Variants in WDR89 observed in about 807,000 individuals in gnomAD.
WDR89 encodes the protein WD repeat-containing protein 89.
A neutral mutation model predicts 29.1 loss-of-function variants in WDR89; 17 were observed. The ratio of observed to expected loss-of-function variants is 0.58; its 90% CI spans 0.40 to 0.88. The LOEUF (loss-of-function observed/expected upper bound fraction) is 0.88. Among genes scored for constraint, WDR89 ranks in the 40% least tolerant of loss-of-function variants. The probability of loss-of-function intolerance (pLI) is 0.00; values close to 1 mark genes in which losing one functional copy is unlikely to be tolerated. For missense variants in WDR89, 396 were observed against 456.3 expected, an observed-to-expected ratio of 0.87 and a Z score of 1.20; for synonymous variants, 138 against 157.8, an observed-to-expected ratio of 0.87 and a Z score of 0.94.
intron 1 of WDR89, among the ~76,000 whole-genome samples, chr14:63,632,127 C>T (rs1477679381): frequency 2.9e-5 from 4 of 139,154 alleles, no homozygotes; most frequent in Non-Finnish European, 3.1e-5. Context: ...AACAAACAAA[C>T]AAAAAAAAAA....
At position 63,636,656 on chromosome 14, in the gene WDR89, A is replaced by G. The variant is rs146292329; in HGVS notation, c.-138+5148T>C. Among the ~76,000 whole-genome samples, 990 of 152,302 alleles carry G rather than the reference A, an allele frequency of 6.5e-3. 16 individuals carry two copies. The highest frequency in any genetic ancestry group is 0.022 in the African/African-American group (933 of 41,564). On this transcript the variant is annotated intron_variant, in intron 1 of 2. Transcript: ENST00000620954. ...TCTTCGACAAAGCAAACAAAAACAT[A>G]AAGTGGGGAAAGGACACCCTTTTCA...
chr14:63,639,262 G>A (rs1379920985), intron 1 of WDR89, among the ~76,000 whole-genome samples: 1 of 151,134 alleles, frequency 6.6e-6, no homozygotes, highest in Admixed American at 6.6e-5. Context: ...GCTCATGCCA[G>A]TAATGCCAGA....
intron 2 of WDR89, among the ~76,000 whole-genome samples, chr14:63,614,252 T>C (rs1188741008): frequency 6.6e-6 from 1 of 151,954 alleles, no homozygotes; most frequent in African/African-American, 2.4e-5. Flanking sequence ...ACAAAAGCTT[T>C]ATACGAGACA....
rs769427475 is a variant in WDR89 at position 63,599,449 on chromosome 14, T to A, written c.494A>T (p.Tyr165Phe). ...LSTTKDSLGA[Y>F]SETHSDDVTQ... ...GACATCATCACTATGTGTCTCTGAA[T>A]ATGCACCAAGTGAGTCTTTAGTTGT... is the stretch of plus-strand genomic sequence containing the variant. Residue 165 changes from tyrosine to phenylalanine, a missense_variant, in exon 3 of 3, where the codon TAT (tyrosine) becomes TTT (phenylalanine). By Grantham distance (22) the Tyr-to-Phe change is conservative (BLOSUM62 3). Transcript: ENST00000620954. The A allele has an allele frequency of 9.9e-6, 16 of 1,614,108 alleles. 1 individual carries two copies. The highest frequency in any genetic ancestry group is 1.3e-5 in the Non-Finnish European group (15 of 1,180,038).
intron 1 of WDR89, among the ~76,000 whole-genome samples, chr14:63,632,665 TGAATTATACAGATGAATTATACA>T (rs1883485242): frequency 6.6e-6 from 1 of 150,428 alleles, no homozygotes; most frequent in Non-Finnish European, 1.5e-5. Context: ...GGAAACTGGA[TGAATTATACAGATGAATTATACA>T]GAATGATAGC....
At chr14:63,633,687 T>G (rs1455914137) in intron 1 of WDR89, among the ~76,000 whole-genome samples, 1 of 152,222 alleles carries the variant, frequency 6.6e-6, no homozygotes, top group Non-Finnish European at 1.5e-5. Context: ...ACTTTGGTGT[T>G]ATAATGAGGG....
chr14:63,637,808 A>AG (rs1013222719), intron 1 of WDR89, among the ~76,000 whole-genome samples: 8 of 151,580 alleles, frequency 5.3e-5, no homozygotes, highest in Non-Finnish European at 7.4e-5. Flanking sequence ...TGGCCGGGGG[A>AG]GGGGGGGCAA....
At chr14:63,617,736 C>T (rs12588450) in intron 2 of WDR89, among the ~76,000 whole-genome samples, 17 of 152,194 alleles carry the variant, frequency 1.1e-4, no homozygotes, top group East Asian at 3.9e-4. Flanking sequence ...CCGCCCACTT[C>T]GGCCTCCCAA....
chr14:63,614,567 GA>G (rs1447394192), intron 2 of WDR89, among the ~76,000 whole-genome samples: 1 of 152,262 alleles, frequency 6.6e-6, no homozygotes, highest in East Asian at 1.9e-4. Flanking sequence ...GAGAAAGAGG[GA>G]AGAGTAAAAT....
At chr14:63,640,934 C>T (rs1408816562) in intron 1 of WDR89, among the ~76,000 whole-genome samples, 2 of 149,854 alleles carry the variant, frequency 1.3e-5, no homozygotes, top group East Asian at 3.9e-4. Flanking sequence ...CCCGTCTCTA[C>T]TAAAAATACA....
Position 63,598,249 on chromosome 14 carries a change from C to T in WDR89, c.*530G>A, listed in dbSNP as rs1894879063. 1 of 152,204 alleles carries T rather than the reference C, an allele frequency of 6.6e-6. No individual in the cohort carries two copies. Among genetic ancestry groups the T allele is most frequent in the African/African-American group, 2.4e-5 (1 of 41,454 alleles). The allele number at this position is 152,204 out of a possible 1,614,324, so 9.4% of individuals were successfully genotyped here. On this transcript the variant is annotated 3_prime_UTR_variant, in exon 3 of 3. Transcript: ENST00000620954. ...TACGAAACATATTTTTCTCACTTTACATAGATGCCTATCATTTCATTTGTA... is the reference window on the plus strand; with the variant it reads ...TACGAAACATATTTTTCTCACTTTATATAGATGCCTATCATTTCATTTGTA...
At chr14:63,637,379 G>C (rs1300723101) in intron 1 of WDR89, among the ~76,000 whole-genome samples, 1 of 152,064 alleles carries the variant, frequency 6.6e-6, no homozygotes, top group East Asian at 1.9e-4. Context: ...TTAAAAAGCA[G>C]AACTAACATT....
intron 2 of WDR89, among the ~76,000 whole-genome samples, chr14:63,622,471 C>G (rs1319048547): frequency 6.6e-6 from 1 of 152,146 alleles, no homozygotes; most frequent in Non-Finnish European, 1.5e-5. Context: ...ATCCCAGCTA[C>G]TTGGGAGGCT....
intron 2 of WDR89, among the ~76,000 whole-genome samples, chr14:63,620,625 C>G (rs995016538): frequency 2.5e-4 from 38 of 152,048 alleles, no homozygotes; most frequent in Non-Finnish European, 1.3e-4. Flanking sequence ...TGGCTCATGC[C>G]TGTAATCTCA....
intron 1 of WDR89, among the ~76,000 whole-genome samples, chr14:63,626,676 C>CAAAAAAAA (rs35582220): frequency 2.0e-4 from 7 of 34,584 alleles, no homozygotes; most frequent in African/African-American, 3.1e-4. Flanking sequence ...GAGACTGTCT[C>CAAAAAAAA]AAAAAAAAAA....
At chr14:63,641,134 CAAA>C (rs1160185356) in intron 1 of WDR89, among the ~76,000 whole-genome samples, 1 of 144,402 alleles carries the variant, frequency 6.9e-6, no homozygotes, top group Non-Finnish European at 1.5e-5. Flanking sequence ...AAAAGAAAAA[CAAA>C]AAAGAAAACA....
At chr14:63,634,628 C>T (rs1185215005) in intron 1 of WDR89, among the ~76,000 whole-genome samples, 3 of 151,984 alleles carry the variant, frequency 2.0e-5, no homozygotes, top group Non-Finnish European at 4.4e-5. Flanking sequence ...CCAACACTTT[C>T]GGAGGCTGAG....
intron 2 of WDR89, among the ~76,000 whole-genome samples, chr14:63,600,586 T>C (rs1172961488): frequency 6.6e-6 from 1 of 151,778 alleles, no homozygotes. Flanking sequence ...AGTAGTTCCT[T>C]TTAGCTCAAA....
rs545334640 is a variant in WDR89 at position 63,640,678 on chromosome 14, ATGT to A, written c.-138+1123_-138+1125del. Among the ~76,000 whole-genome samples the A allele has an allele frequency of 2.3e-3, 343 of 151,400 alleles. 3 individuals are homozygous for A. The highest frequency in any genetic ancestry group is 0.017 in the South Asian group (83 of 4,800). The stretch of plus-strand genomic sequence containing the variant: ...TCGTAGTAGAGACGGGGGTTTCACC[ATGT>A]TGACCAGGCTGGTCTCGAACTCCTG... On this transcript the variant is annotated intron_variant, in intron 1 of 2. Coordinates refer to ENST00000620954, the MANE Select transcript of WDR89 (RefSeq NM_080666.4).
Sources: gnomAD v4.1 joint callset for allele counts (sites outside exome capture counted in the v4.1 genomes callset) on GRCh38, gnomAD v4.1.1 for gene constraint, MANE v1.5 for transcripts, NCBI Gene and HGNC (gene_info 2026-07-23, HGNC 2026-07-21) for gene names.